The following SAXO1 variants were observed in gnomAD, a reference collection of about 807,000 sequenced individuals.
SAXO1 encodes the protein 4930500O09Rik.
In SAXO1, 21 loss-of-function variants were observed where a neutral mutation model predicts 17.5. That is an observed-to-expected ratio of 1.20 (90% CI 0.85 to 1.72). SAXO1 has a LOEUF of 1.72. SAXO1 is among the 40% of genes most tolerant of loss of function. The pLI is 0.00. For synonymous variants in SAXO1, 274 were observed against 216.5 expected (o/e 1.27, Z -2.33); for missense variants, 843 against 596.0 (o/e 1.41, Z -4.32).
intron 3 of SAXO1, among the ~76,000 whole-genome samples, chr9:18,939,555 G>T (rs1001826563): frequency 6.6e-6 from 1 of 152,242 alleles, no homozygotes; most frequent in Non-Finnish European, 1.5e-5. Context: ...AAGGATAAGT[G>T]CTAGATTAAG....
rs186175959 is a variant in SAXO1 at position 18,928,448 on chromosome 9, G to C, written c.1029C>G (p.Asp343Glu). 8.1e-5 allele frequency: 131 copies of C among 1,610,352 alleles called. No homozygotes were observed. The East Asian group carries it at 2.8e-3, about 35-fold the overall frequency. Residue 343 changes from aspartate (D) to glutamate (E), a missense_variant, in exon 4 of 4, where the codon GAC (aspartate) becomes GAG (glutamate). Physicochemically the swap from Asp to Glu is conservative, Grantham distance 45. Transcript: ENST00000380534. ...TGCGCATGCTGGACCACTGCTTGTA[G>C]TCATCCTTGGTGGTGGAAGAGCCTT... Reference protein sequence around the residue: ...RFEGSSTTKDDYKQWSSMRTE... With the variant: ...RFEGSSTTKDEYKQWSSMRTE...
At chr9:18,998,409 T>A (rs1159127519) in intron 1 of SAXO1, among the ~76,000 whole-genome samples, 1 of 151,806 alleles carries the variant, frequency 6.6e-6, no homozygotes, top group African/African-American at 2.4e-5. Context: ...AAGACAAGAT[T>A]AGAGAAAAAA....
intron 1 of SAXO1, among the ~76,000 whole-genome samples, chr9:18,987,039 G>A (rs117653408): frequency 0.038 from 5,800 of 152,248 alleles, 159 homozygotes; most frequent in South Asian, 0.089. Context: ...ACAAATTGCT[G>A]CATTGAATCA....
At chr9:18,980,644 T>C (rs547581194) in intron 1 of SAXO1, among the ~76,000 whole-genome samples, 1 of 151,936 alleles carries the variant, frequency 6.6e-6, no homozygotes, top group African/African-American at 2.4e-5. Context: ...CTGCCTGCCT[T>C]CTGGGATTTT....
chr9:18,969,055 G>A (rs954352605), intron 1 of SAXO1, among the ~76,000 whole-genome samples: 1 of 136,050 alleles, frequency 7.4e-6, no homozygotes, highest in South Asian at 2.2e-4. Context: ...TTCTCTTTTT[G>A]CAGTTTTTTT....
chr9:18,969,960 T>C (rs1832884673), intron 1 of SAXO1, among the ~76,000 whole-genome samples: 1 of 152,228 alleles, frequency 6.6e-6, no homozygotes, highest in Non-Finnish European at 1.5e-5. Context: ...GCTCTTTTCA[T>C]TACATCTGAT....
upstream of SAXO1, among the ~76,000 whole-genome samples, chr9:19,037,182 T>C (rs1835963267): frequency 6.6e-6 from 1 of 152,214 alleles, no homozygotes; most frequent in Non-Finnish European, 1.5e-5. Context: ...GTAACTAGCT[T>C]GCTTTTGATT....
chr9:18,983,706 G>T (rs1833484637), intron 1 of SAXO1, among the ~76,000 whole-genome samples: 1 of 152,132 alleles, frequency 6.6e-6, no homozygotes, highest in Admixed American at 6.5e-5. Context: ...CCTCTACTGA[G>T]GTCTCAAAGC....
chr9:18,968,205 G>A (rs1164526116), intron 1 of SAXO1, among the ~76,000 whole-genome samples: 1 of 152,200 alleles, frequency 6.6e-6, no homozygotes, highest in South Asian at 2.1e-4. Flanking sequence ...CATCTTGCCA[G>A]TCTTCCCTTT....
intron 3 of SAXO1, among the ~76,000 whole-genome samples, chr9:18,938,007 G>A (rs1031869144): frequency 3.3e-5 from 5 of 152,072 alleles, no homozygotes; most frequent in African/African-American, 9.7e-5. Context: ...TTTTAAAATC[G>A]GAATTGCAGA....
chr9:19,004,180 C>A (rs1014429733), intron 1 of SAXO1, among the ~76,000 whole-genome samples: 3 of 152,114 alleles, frequency 2.0e-5, no homozygotes, highest in Non-Finnish European at 2.9e-5. Flanking sequence ...AAAACCACAA[C>A]GAGATACCAT....
At chr9:19,032,757 A>G in intron 1 of SAXO1, 114 bp downstream of exon 1, 4 of 1,146,528 alleles carry the variant, frequency 3.5e-6, no homozygotes, top group Non-Finnish European at 4.9e-6. Flanking sequence ...AAACGTAGCA[A>G]GTGGACGAAC....
chr9:19,027,624 G>C, intron 1 of SAXO1: 1 of 1,435,890 alleles, frequency 7.0e-7, no homozygotes, highest in South Asian at 1.1e-5. Flanking sequence ...ACTGGAGATG[G>C]TGCCAAGCTA....
chr9:18,973,265 G>C (rs1412209876), intron 1 of SAXO1, among the ~76,000 whole-genome samples: 1 of 152,196 alleles, frequency 6.6e-6, no homozygotes, highest in Non-Finnish European at 1.5e-5. Context: ...TGCATAAAAT[G>C]AGCTTTGTGC....
At chr9:18,945,101 G>A (rs1042917357) in intron 2 of SAXO1, among the ~76,000 whole-genome samples, 9 of 152,068 alleles carry the variant, frequency 5.9e-5, no homozygotes, top group Non-Finnish European at 1.2e-4. Flanking sequence ...TAAAGGTAAA[G>A]AGTAAAACAA....
At chr9:18,941,937 C>T (rs1388886134) in intron 2 of SAXO1, 98 bp from the exon 3 acceptor site, 3 of 1,112,312 alleles carry the variant, frequency 2.7e-6, no homozygotes, top group East Asian at 4.8e-5. Flanking sequence ...CTGAGAAGTC[C>T]TGTTCTACTC....
intron 1 of SAXO1, among the ~76,000 whole-genome samples, chr9:19,019,026 T>G (rs1835113432): frequency 6.6e-6 from 1 of 151,950 alleles, no homozygotes; most frequent in Non-Finnish European, 1.5e-5. Context: ...GGATAATCAC[T>G]TGAATTTGGA....
chr9:18,931,232 G>A lies in SAXO1; in HGVS notation c.422-2177C>T, dbSNP rs185543412. Among the ~76,000 whole-genome samples the A allele has an allele frequency of 3.9e-5, 6 of 152,236 alleles. No individual in the cohort carries two copies. In the East Asian group the frequency reaches 5.8e-4, roughly 15 times the overall value. ...ATTTGCTCTTGGTCTCTATAACTGC[G>A]CATTTTTTGGACATTTCATATAAAT... On this transcript the variant is annotated intron_variant, in intron 3 of 3. Transcript: ENST00000380534.
rs1318492504 is a variant in SAXO1, at chr9:18,999,929, C to T, written c.38+32942G>A. Among the ~76,000 whole-genome samples the T allele has an allele frequency of 3.7e-4, 51 of 137,512 alleles. 1 individual carries two copies. Among genetic ancestry groups the T allele is most frequent in the Non-Finnish European group, 6.1e-4 (40 of 65,378 alleles). 90.2% of individuals were successfully genotyped at this position (137,512 alleles called of 152,430 possible). ...GAAGTGAGGAGCGCCTCTGCCCGGC[C>T]GCCACAACATCTGGGAAGTGAGGAG... On this transcript the variant is annotated intron_variant, in intron 1 of 3. Transcript: ENST00000380534.
Sources: allele counts gnomAD v4.1 joint callset (sites outside exome capture counted in the v4.1 genomes callset), GRCh38; gene constraint gnomAD v4.1.1; transcripts MANE v1.5; gene names NCBI Gene and HGNC (gene_info 2026-07-23, HGNC 2026-07-21).